ACTN1: variants seen among roughly 807,000 people sequenced by gnomAD.
ACTN1 encodes the protein alpha-actinin-1.
ACTN1 carries 30 observed loss-of-function variants against 119.6 expected under a neutral mutation model. The observed-to-expected ratio is 0.25, with a 90% confidence interval of 0.19 to 0.34. ACTN1 has a LOEUF of 0.34. Ranked by LOEUF, ACTN1 falls within the 10% of genes least tolerant of loss-of-function variation. ACTN1 has a pLI of 1.00. For synonymous variants in ACTN1, 429 were observed against 472.6 expected (o/e 0.91, Z 1.20); for missense variants, 764 against 1,223.4 (o/e 0.62, Z 5.60).
intron 1 of ACTN1, among the ~76,000 whole-genome samples, chr14:68,937,891 G>A (rs1438857018): frequency 1.3e-5 from 2 of 152,218 alleles, no homozygotes; most frequent in Non-Finnish European, 2.9e-5. Context: ...AGAAGGCCAG[G>A]CCAGCACCTG....
chr14:68,941,474 A>G (rs1032049126), intron 1 of ACTN1, among the ~76,000 whole-genome samples: 18 of 152,236 alleles, frequency 1.2e-4, no homozygotes, highest in African/African-American at 4.1e-4. Context: ...ATTTGGGCAC[A>G]GAAGAGCTGG....
At chr14:68,906,395 G>T (rs2033670215) in intron 6 of ACTN1, among the ~76,000 whole-genome samples, 1 of 152,164 alleles carries the variant, frequency 6.6e-6, no homozygotes, top group South Asian at 2.1e-4. Context: ...CAGTTTCCCT[G>T]TTTGCTAAAG....
chr14:68,901,151 T>C (rs1398409861), intron 8 of ACTN1, among the ~76,000 whole-genome samples: 2 of 149,052 alleles, frequency 1.3e-5, no homozygotes, highest in Non-Finnish European at 3.0e-5. Flanking sequence ...AGGGACGGCA[T>C]AGGAGAGGTG....
intron 1 of ACTN1, chr14:68,947,399 A>G (rs2035978427): frequency 6.6e-6 from 1 of 152,258 alleles, no homozygotes; most frequent in Non-Finnish European, 1.5e-5. Flanking sequence ...GTTTACATCC[A>G]TCATCTCATT....
intron 2 of ACTN1, among the ~76,000 whole-genome samples, chr14:68,924,114 G>A (rs78347731): frequency 4.6e-5 from 7 of 152,274 alleles, no homozygotes; most frequent in African/African-American, 1.2e-4. Context: ...GGGGAGGGCC[G>A]GGGGGAGCGG....
chr14:68,891,659 A>G (rs1003038895), intron 10 of ACTN1, among the ~76,000 whole-genome samples: 19 of 152,328 alleles, frequency 1.2e-4, no homozygotes, highest in African/African-American at 4.1e-4. Flanking sequence ...TATTACTTCA[A>G]TAATAATATT....
chr14:68,973,412 G>A (rs1464988113), intron 1 of ACTN1, among the ~76,000 whole-genome samples: 1 of 151,988 alleles, frequency 6.6e-6, no homozygotes, highest in Non-Finnish European at 1.5e-5. Context: ...GGTTTTATAT[G>A]GGGCTTTTCC....
At chr14:68,932,959 G>A (rs913913344) in intron 1 of ACTN1, among the ~76,000 whole-genome samples, 30 of 152,022 alleles carry the variant, frequency 2.0e-4, no homozygotes, top group African/African-American at 6.5e-4. Context: ...AATACGTATT[G>A]ACCATTTGCT....
intron 3 of ACTN1, among the ~76,000 whole-genome samples, chr14:68,920,694 C>T (rs1169810408): frequency 6.6e-6 from 1 of 152,150 alleles, no homozygotes; most frequent in African/African-American, 2.4e-5. Flanking sequence ...CAGGCAACAC[C>T]GTGCAGTCAG....
rs2030618090 is a variant in ACTN1, at chr14:68,874,561, A to G, written c.*298T>C. 1 of 261,212 alleles carries G rather than the reference A, an allele frequency of 3.8e-6. No homozygotes were observed. The highest frequency in any genetic ancestry group is 2.2e-5 in the African/African-American group (1 of 45,376). The allele number at this position is 261,212 out of a possible 1,614,324, so 16.2% of individuals were successfully genotyped here. On this transcript the variant is annotated 3_prime_UTR_variant, in exon 22 of 22. Coordinates refer to ENST00000394419, the MANE Select transcript of ACTN1 (RefSeq NM_001130004.2). ...TTCCTATGTCGCAACAAAACAAGAC[A>G]TTTCGGTGCAAATAGTTAATCTTTC... is the stretch of plus-strand genomic sequence containing the variant.
intron 1 of ACTN1, among the ~76,000 whole-genome samples, chr14:68,950,456 G>GTGTGTGTGTGTATATA (rs2036102389): frequency 2.7e-5 from 2 of 73,846 alleles, no homozygotes; most frequent in African/African-American, 2.7e-4. Flanking sequence ...ATATATATGC[G>GTGTGTGTGTGTATATA]TGTGTGTATA....
intron 1 of ACTN1, among the ~76,000 whole-genome samples, chr14:68,929,995 G>C (rs1282101673): frequency 6.6e-6 from 1 of 152,266 alleles, no homozygotes; most frequent in Non-Finnish European, 1.5e-5. Flanking sequence ...GAATCACATT[G>C]TCCACCTTCT....
At chr14:68,972,799 C>T (rs2036932006) in intron 1 of ACTN1, among the ~76,000 whole-genome samples, 1 of 152,188 alleles carries the variant, frequency 6.6e-6, no homozygotes, top group Non-Finnish European at 1.5e-5. Flanking sequence ...GCAGCTGCTC[C>T]GAGCCAGCTC....
intron 3 of ACTN1, among the ~76,000 whole-genome samples, chr14:68,917,651 G>A (rs181521248): frequency 3.9e-5 from 6 of 152,290 alleles, no homozygotes; most frequent in Admixed American, 1.3e-4. Flanking sequence ...TCAGCAGAGC[G>A]GCCATTGTGG....
chr14:68,921,036 C>T lies in ACTN1; in HGVS notation c.310G>A (p.Gly104Ser). ...GCTCCGATGGACACCAGTTTGACGC[C>T]TTTGCTGGCTATGAAATCCAGGGCC... ...NKALDFIASK[G>S]VKLVSIGAEE... The change falls in exon 3 of 22, where the codon GGC becomes AGC. Residue 104 changes from glycine to serine, a missense_variant. Physicochemically the swap from Gly to Ser is moderately conservative, Grantham distance 56. Transcript: ENST00000394419. 1.9e-6 allele frequency: 3 copies of T among 1,614,200 alleles called. No homozygotes were observed. The highest frequency in any genetic ancestry group is 2.2e-5 in the South Asian group (2 of 91,090).
At chr14:68,888,083 A>C in intron 11 of ACTN1, 2 of 689,580 alleles carry the variant, frequency 2.9e-6, no homozygotes, top group Non-Finnish European at 5.5e-6. Flanking sequence ...CCCCTTGGGC[A>C]TCCTGGCGGC....
At chr14:68,970,827 C>T (rs2036860098) in intron 1 of ACTN1, among the ~76,000 whole-genome samples, 1 of 152,176 alleles carries the variant, frequency 6.6e-6, no homozygotes, top group South Asian at 2.1e-4. Context: ...CCCCTTAAAC[C>T]TCACAGACCC....
intron 11 of ACTN1, among the ~76,000 whole-genome samples, chr14:68,888,924 C>T (rs928619310): frequency 3.9e-5 from 6 of 152,120 alleles, no homozygotes; most frequent in South Asian, 2.1e-4. Context: ...GGCTGGGGAC[C>T]GCTGCCCTAC....
rs963137882 is a variant in ACTN1, at chr14:68,925,178, G to A, written c.220+380C>T. 2.0e-5 allele frequency among the ~76,000 whole-genome samples: 3 copies of A among 152,170 alleles called. No homozygotes were observed. The highest frequency in any genetic ancestry group is 7.2e-5 in the African/African-American group (3 of 41,442). On this transcript the variant is annotated intron_variant, in intron 2 of 21. Transcript: ENST00000394419. The surrounding 1 kb of genome is among the most constrained non-coding windows in gnomAD (Gnocchi z 4.3). ...CAGACATCTGGACAAACCAGGGGCT[G>A]GGGAATGGCCTGGGTCACCTGGATA...
Sources: allele counts gnomAD v4.1 joint callset (sites outside exome capture counted in the v4.1 genomes callset), GRCh38; gene constraint gnomAD v4.1.1; non-coding constraint Gnocchi (gnomAD v3.1); transcripts MANE v1.5; gene names NCBI Gene and HGNC (gene_info 2026-07-23, HGNC 2026-07-21).